The following TMEM74 variants were observed in gnomAD, a reference collection of about 807,000 sequenced individuals.
TMEM74 encodes transmembrane protein 74.
In TMEM74, 13 loss-of-function variants were observed where a neutral mutation model predicts 18.1. The ratio of observed to expected loss-of-function variants is 0.72; its 90% confidence interval spans 0.47 to 1.14. The LOEUF is 1.14. TMEM74 is among the 50% of genes most tolerant of loss of function. The pLI is 0.00. For synonymous variants in TMEM74, 159 were observed against 146.6 expected (o/e 1.08, Z -0.61); for missense variants, 372 against 375.9 (o/e 0.99, Z 0.09).
At chr8:108,737,792 A>T (rs897470256) in intron 1 of TMEM74, among the ~76,000 whole-genome samples, 3 of 152,168 alleles carry the variant, frequency 2.0e-5, no homozygotes, top group African/African-American at 7.2e-5. Flanking sequence ...AATATATGTG[A>T]GTCTACCACT....
chr8:108,748,273 G>A (rs755714911), intron 1 of TMEM74, among the ~76,000 whole-genome samples: 7 of 152,188 alleles, frequency 4.6e-5, no homozygotes, highest in East Asian at 1.9e-4. Context: ...GGCATGAGAC[G>A]GTATCTCACT....
intron 1 of TMEM74, among the ~76,000 whole-genome samples, chr8:108,717,688 G>A (rs1202516403): frequency 5.3e-5 from 8 of 152,206 alleles, no homozygotes. Context: ...GAAGGGGCGA[G>A]GGAATGGTCA....
At chr8:108,759,794 A>G (rs1211590051) in intron 1 of TMEM74, among the ~76,000 whole-genome samples, 1 of 152,146 alleles carries the variant, frequency 6.6e-6, no homozygotes, top group Non-Finnish European at 1.5e-5. Flanking sequence ...TTTAAATTTC[A>G]TGGTATATGC....
chr8:108,718,194 G>A (rs1233866154), intron 1 of TMEM74, among the ~76,000 whole-genome samples: 1 of 71,310 alleles, frequency 1.4e-5, no homozygotes, highest in Non-Finnish European at 2.2e-5. Flanking sequence ...TCCTGACCTC[G>A]TGATCCGCCC....
intron 1 of TMEM74, among the ~76,000 whole-genome samples, chr8:108,673,426 G>T (rs981736): frequency 0.22 from 34,027 of 152,106 alleles, 3,991 homozygotes; most frequent in East Asian, 0.29. Context: ...GAAGCATATT[G>T]GCACCAAGAA....
At chr8:108,676,745 C>A (rs1813059769) in intron 1 of TMEM74, among the ~76,000 whole-genome samples, 2 of 152,068 alleles carry the variant, frequency 1.3e-5, no homozygotes, top group Non-Finnish European at 2.9e-5. Flanking sequence ...TTTCATTGAC[C>A]TATCTCAACG....
intron 1 of TMEM74, among the ~76,000 whole-genome samples, chr8:108,680,824 G>T (rs963295522): frequency 6.6e-6 from 1 of 152,102 alleles, no homozygotes; most frequent in African/African-American, 2.4e-5. Context: ...AAAGCCTCAG[G>T]ATACAAAATC....
chr8:108,701,129 GA>G (rs1005946270), intron 1 of TMEM74, among the ~76,000 whole-genome samples: 8 of 134,966 alleles, frequency 5.9e-5, no homozygotes, highest in African/African-American at 1.1e-4. Flanking sequence ...ACAGACTAAA[GA>G]AAAAAATACG....
chr8:108,655,577 G>T (rs543213021), intron 1 of TMEM74: 3 of 152,178 alleles, frequency 2.0e-5, no homozygotes, highest in East Asian at 3.9e-4. Flanking sequence ...TTTTAATATA[G>T]TTCTTAGAAA....
At position 108,756,602 on chromosome 8, in the gene TMEM74, G is replaced by GA. The variant is rs1563543615; in HGVS notation, n.119+30873_119+30874insT. Among the ~76,000 whole-genome samples, 155 of 45,764 alleles carry GA rather than the reference G, an allele frequency of 3.4e-3. 1 individual carries two copies. Among genetic ancestry groups the GA allele is most frequent in the Middle Eastern group, 8.5e-3 (1 of 118 alleles). The allele number at this position is 45,764 out of a possible 152,430, so 30.0% of individuals were successfully genotyped here. A position where few individuals can be genotyped will look rare whatever the true frequency, so the allele number is the denominator to read the frequency against. On this transcript the variant is annotated intron_variant and non_coding_transcript_variant, in intron 1 of 3. Transcript: ENST00000518838. ...AAAGAAAGAAAGAAAGAAAGAGAAA[G>GA]GAAGGAAGGAAGGAAGGAAGGAAGG...
intron 1 of TMEM74, among the ~76,000 whole-genome samples, chr8:108,726,148 T>C (rs922329216): frequency 2.6e-5 from 4 of 152,186 alleles, no homozygotes; most frequent in Non-Finnish European, 5.9e-5. Flanking sequence ...CTTAGTTTTC[T>C]TCATTCTTAA....
intron 2 of TMEM74, among the ~76,000 whole-genome samples, chr8:108,616,179 C>T (rs528048461): frequency 9.9e-5 from 15 of 152,224 alleles, no homozygotes; most frequent in African/African-American, 1.9e-4. Flanking sequence ...GGCAGAGGGC[C>T]GTGCTCTGGC....
Position 108,666,033 on chromosome 8 carries a change from G to T in TMEM74, n.120-10596C>A, listed in dbSNP as rs191555523. On this transcript the variant is annotated intron_variant and non_coding_transcript_variant, in intron 1 of 3. Coordinates refer to the TMEM74 transcript ENST00000518838. ...AGTTTGTTTTTATTGCCTTGATGTT[G>T]AATAGAAGACTGTGGAGGGAGACAA... Among the ~76,000 whole-genome samples the T allele has an allele frequency of 3.5e-4, 54 of 152,204 alleles. 1 individual carries two copies. The highest frequency in any genetic ancestry group is 1.4e-3 in the Admixed American group (22 of 15,262).
chr8:108,759,936 T>C (rs190153358), intron 1 of TMEM74, among the ~76,000 whole-genome samples: 43 of 152,060 alleles, frequency 2.8e-4, no homozygotes, highest in African/African-American at 1.0e-3. Context: ...AGGCTTCCAC[T>C]ATGAGTCAGG....
intron 1 of TMEM74, among the ~76,000 whole-genome samples, chr8:108,681,562 A>G (rs186911573): frequency 6.6e-6 from 1 of 152,336 alleles, no homozygotes; most frequent in East Asian, 1.9e-4. Context: ...CACAATTACT[A>G]TTAGCTCCTC....
At chr8:108,639,978 T>C (rs1812646855) in intron 2 of TMEM74, among the ~76,000 whole-genome samples, 1 of 152,106 alleles carries the variant, frequency 6.6e-6, no homozygotes, top group African/African-American at 2.4e-5. Flanking sequence ...GCAAACATCT[T>C]TGATATCACC....
At chr8:108,763,416 T>G (rs1814067776) in intron 1 of TMEM74, among the ~76,000 whole-genome samples, 1 of 152,178 alleles carries the variant, frequency 6.6e-6, no homozygotes, top group African/African-American at 2.4e-5. Context: ...ATGAAATAGT[T>G]TGCATAGTAC....
At chr8:108,680,734 T>C (rs1258885991) in intron 1 of TMEM74, among the ~76,000 whole-genome samples, 1 of 152,220 alleles carries the variant, frequency 6.6e-6, no homozygotes, top group African/African-American at 2.4e-5. Context: ...TTGTCCCTGT[T>C]TGCAGATGTC....
rs1814295167 is a variant in TMEM74 at position 108,780,739 on chromosome 8, C to A, written c.*3442G>T. On this transcript the variant is annotated 3_prime_UTR_variant, in exon 2 of 2. Coordinates refer to ENST00000297459, the MANE Select transcript of TMEM74 (RefSeq NM_153015.3). ...ATAGCAGTCATGTGGGTAAAAGCAA[C>A]CATGGCCTCCAAGAACTTCATGGTT... Among the ~76,000 whole-genome samples, 2 of 152,246 alleles carry A rather than the reference C, an allele frequency of 1.3e-5. No individual in the cohort carries two copies. Among genetic ancestry groups the A allele is most frequent in the South Asian group, 4.2e-4 (2 of 4,818 alleles).
Sources: gnomAD v4.1 joint callset for allele counts (sites outside exome capture counted in the v4.1 genomes callset) on GRCh38, gnomAD v4.1.1 for gene constraint, MANE v1.5 for transcripts, NCBI Gene and HGNC (gene_info 2026-07-23, HGNC 2026-07-21) for gene names.